FAM200B: variants seen among roughly 807,000 people sequenced by gnomAD.
FAM200B encodes the protein zinc finger BED-type containing 11.
FAM200B carries 32 observed loss-of-function variants against 33.1 expected under a neutral mutation model. The ratio of observed to expected loss-of-function variants is 0.97; its 90% CI spans 0.73 to 1.30. The LOEUF (loss-of-function observed/expected upper bound fraction) is 1.30. FAM200B is among the 50% of genes most tolerant of loss of function. The pLI, the probability that FAM200B is intolerant of heterozygous loss-of-function variation, is 0.00. For missense variants in FAM200B, 741 were observed against 754.0 expected (o/e 0.98, Z 0.20); for synonymous variants, 240 against 264.8 (o/e 0.91, Z 0.91).
the FAM200B span, among the ~76,000 whole-genome samples, chr4:15,651,993 T>C: frequency 1.3e-5 from 2 of 152,216 alleles, no homozygotes; most frequent in South Asian, 2.1e-4. Flanking sequence ...CTAGCATAGA[T>C]GTTATTACAT....
At chr4:15,674,373 G>A in the FAM200B span, among the ~76,000 whole-genome samples, 9 of 152,094 alleles carry the variant, frequency 5.9e-5, no homozygotes, top group Non-Finnish European at 1.3e-4. Flanking sequence ...TACTGGGTAT[G>A]TGAGAACTGC....
chr4:15,661,008 A>G, the FAM200B span, among the ~76,000 whole-genome samples: 1 of 152,006 alleles, frequency 6.6e-6, no homozygotes, highest in Non-Finnish European at 1.5e-5. Flanking sequence ...ACCTGAGAGA[A>G]GGAGGTTGCA....
upstream of FAM200B, among the ~76,000 whole-genome samples, chr4:15,678,513 A>G (rs190471449): frequency 6.6e-6 from 1 of 152,358 alleles, no homozygotes; most frequent in East Asian, 1.9e-4. Flanking sequence ...CTACAATGCT[A>G]CTTTCATGCA....
the FAM200B span, chr4:15,656,180 A>C: frequency 2.2e-6 from 1 of 456,200 alleles, no homozygotes; most frequent in Non-Finnish European, 4.4e-6. Flanking sequence ...CCTTGGTACA[A>C]ATCCCGCCAT....
chr4:15,686,169 C>T (rs1362060676), intron 1 of FAM200B, 67 bp from the exon 2 acceptor site: 2 of 152,162 alleles, frequency 1.3e-5, no homozygotes, highest in Non-Finnish European at 2.9e-5. Context: ...TAAAGGCCCC[C>T]ATAGCTGGCA....
the FAM200B span, among the ~76,000 whole-genome samples, chr4:15,643,343 C>CA: frequency 5.3e-5 from 8 of 152,190 alleles, no homozygotes; most frequent in African/African-American, 1.9e-4. Context: ...GGTGGCTTAA[C>CA]AGAGTTGTAA....
chr4:15,642,067 T>C, the FAM200B span, among the ~76,000 whole-genome samples: 3 of 151,792 alleles, frequency 2.0e-5, no homozygotes, highest in South Asian at 4.2e-4. Context: ...TAAGGTCATA[T>C]ATATCAATAT....
the FAM200B span, among the ~76,000 whole-genome samples, chr4:15,643,627 G>T: frequency 6.6e-6 from 1 of 152,136 alleles, no homozygotes; most frequent in African/African-American, 2.4e-5. Flanking sequence ...GGCTGGTCTA[G>T]AACTCCTGAC....
the FAM200B span, among the ~76,000 whole-genome samples, chr4:15,648,385 A>T: frequency 6.6e-6 from 1 of 152,214 alleles, no homozygotes; most frequent in Non-Finnish European, 1.5e-5. Context: ...TCCTGAGTAT[A>T]TGTTCAAAGT....
chr4:15,661,581 G>GT, the FAM200B span, among the ~76,000 whole-genome samples: 1 of 152,188 alleles, frequency 6.6e-6, no homozygotes, highest in Non-Finnish European at 1.5e-5. Context: ...GTCACATTTA[G>GT]TTGTAAGTGA....
At position 15,688,385 on chromosome 4, in the gene FAM200B, T is replaced by A. The variant is rs1285496166; in HGVS notation, c.1408T>A (p.Trp470Arg). The A allele has an allele frequency of 2.6e-6, 4 of 1,549,790 alleles. No individual in the cohort carries two copies. The highest frequency in any genetic ancestry group is 1.7e-4 in the Middle Eastern group (1 of 5,986). ...IQGFRKTLLL[W>R]QVRLKSNRPS... is the part of the protein sequence containing the mutation. ...GGGATTTCGAAAGACATTATTGTTA[T>A]GGCAAGTAAGACTTAAAAGTAATCG... is the stretch of plus-strand genomic sequence containing the variant. The change falls in exon 2 of 2, where the codon TGG (tryptophan) becomes AGG (arginine). Residue 470 changes from tryptophan to arginine, a missense_variant. Trp to Arg is a moderately radical substitution (Grantham distance 101). Transcript: ENST00000422728.
the FAM200B span, among the ~76,000 whole-genome samples, chr4:15,640,625 G>T: frequency 6.9e-6 from 1 of 144,980 alleles, no homozygotes; most frequent in Non-Finnish European, 1.5e-5. Flanking sequence ...CAAAACAAAC[G>T]TTTTTTTTTT....
the FAM200B span, among the ~76,000 whole-genome samples, chr4:15,663,229 A>G: frequency 1.3e-5 from 2 of 152,206 alleles, no homozygotes; most frequent in South Asian, 4.1e-4. Context: ...CATTGATAAT[A>G]GTCATTCATT....
the FAM200B span, chr4:15,655,204 C>T: frequency 3.5e-6 from 5 of 1,418,814 alleles, no homozygotes; most frequent in Non-Finnish European, 4.7e-6. Flanking sequence ...GCTCCGTTAC[C>T]TTGTCGCAGT....
At chr4:15,644,845 A>T in the FAM200B span, 1 of 634,506 alleles carries the variant, frequency 1.6e-6, no homozygotes. Flanking sequence ...AATAAAAGAA[A>T]TTCATAAATT....
At chr4:15,638,213 G>C in the FAM200B span, among the ~76,000 whole-genome samples, 1 of 152,146 alleles carries the variant, frequency 6.6e-6, no homozygotes, top group South Asian at 2.1e-4. Context: ...TTTTGAGCAG[G>C]CCAGTGCTCT....
upstream of FAM200B, among the ~76,000 whole-genome samples, chr4:15,680,660 A>T (rs1433163041): frequency 1.3e-5 from 2 of 152,068 alleles, no homozygotes; most frequent in Admixed American, 1.3e-4. Context: ...TGGGCGAGAG[A>T]GTGAGACTCC....
chr4:15,654,657 G>A, the FAM200B span, among the ~76,000 whole-genome samples: 3 of 152,192 alleles, frequency 2.0e-5, no homozygotes, highest in Non-Finnish European at 4.4e-5. Flanking sequence ...GAAAGCCGGG[G>A]GTAAAAGGAA....
At position 15,688,836 on chromosome 4, in the gene FAM200B, A is replaced by C. The variant is rs1258655333; in HGVS notation, c.1859A>C (p.Gln620Pro). 3 of 1,551,544 alleles carry C rather than the reference A, an allele frequency of 1.9e-6. No individual in the cohort carries two copies. The highest frequency in any genetic ancestry group is 2.7e-5 in the African/African-American group (2 of 73,166). The change falls in exon 2 of 2, where the codon CAG becomes CCG. Residue 620 changes from glutamine (Q) to proline (P), a missense_variant. Coordinates refer to ENST00000422728, the MANE Select transcript of FAM200B (RefSeq NM_001145191.2). ...GAACTAGGGTTTTCCATCTTAACGC[A>C]GTTAAAAACAAAGGAAAGAAATGGG... ...LCELGFSILT[Q>P]LKTKERNGLN...
Sources: allele counts gnomAD v4.1 joint callset (sites outside exome capture counted in the v4.1 genomes callset), GRCh38; gene constraint gnomAD v4.1.1; transcripts MANE v1.5; gene names NCBI Gene and HGNC (gene_info 2026-07-23, HGNC 2026-07-21).